KCNIP4: variants seen among roughly 807,000 people sequenced by gnomAD.
KCNIP4 encodes the protein Kv channel-interacting protein 4.
Under a neutral mutation model 34.0 loss-of-function variants are expected in KCNIP4, and 12 were observed. The ratio of observed to expected loss-of-function variants is 0.35; its 90% CI spans 0.23 to 0.57. KCNIP4 has a LOEUF of 0.57. Ranked by LOEUF, KCNIP4 falls within the 20% of genes least tolerant of loss-of-function variation. The probability of loss-of-function intolerance (pLI) is 0.83; values close to 1 mark genes in which losing one functional copy is unlikely to be tolerated. For missense variants in KCNIP4, 238 were observed against 311.7 expected (o/e 0.76, Z 1.78); for synonymous variants, 124 against 102.2 (o/e 1.21, Z -1.29).
At chr4:20,769,131 GA>G (rs1755659715) in intron 3 of KCNIP4, among the ~76,000 whole-genome samples, 1 of 148,436 alleles carries the variant, frequency 6.7e-6, no homozygotes, top group Non-Finnish European at 1.5e-5. Flanking sequence ...AGAAATAATT[GA>G]AAAGTTCTGC....
At chr4:21,452,220 C>T (rs1172350007) in intron 1 of KCNIP4, among the ~76,000 whole-genome samples, 1 of 151,966 alleles carries the variant, frequency 6.6e-6, no homozygotes, top group Non-Finnish European at 1.5e-5. Flanking sequence ...CTAATGATAC[C>T]ACTGCATTGT....
At chr4:21,907,305 CGTT>C (rs1728059259) in intron 1 of KCNIP4, among the ~76,000 whole-genome samples, 1 of 152,176 alleles carries the variant, frequency 6.6e-6, no homozygotes, top group Non-Finnish European at 1.5e-5. Flanking sequence ...GCCCCTCACA[CGTT>C]GTCTCTTTCA....
At chr4:21,034,978 C>T (rs377659893) in intron 1 of KCNIP4, among the ~76,000 whole-genome samples, 29 of 152,276 alleles carry the variant, frequency 1.9e-4, no homozygotes, top group African/African-American at 5.1e-4. Context: ...CAGATGCCTA[C>T]GTGACAGCAC....
chr4:21,245,509 T>C (rs1422594305), intron 1 of KCNIP4, among the ~76,000 whole-genome samples: 1 of 152,224 alleles, frequency 6.6e-6, no homozygotes, highest in Non-Finnish European at 1.5e-5. Context: ...GCTGTGACTG[T>C]CATATAATAG....
At position 21,291,867 on chromosome 4, in the gene KCNIP4, A is replaced by AAAAGAAAG. The variant is rs1211617062; in HGVS notation, c.62-409166_62-409159dup. Among the ~76,000 whole-genome samples the AAAAGAAAG allele has an allele frequency of 3.9e-3, 199 of 51,056 alleles. 2 individuals carry two copies. Among genetic ancestry groups the AAAAGAAAG allele is most frequent in the East Asian group, 0.018 (39 of 2,146 alleles). The allele number at this position is 51,056 out of a possible 152,430, so 33.5% of individuals were successfully genotyped here. ...AGACTCCGCCTCAAAAAAAAAAAAA[A>AAAAGAAAG]AAAGAAAGAAAGAAAGAAAGAAAGA... On this transcript the variant is annotated intron_variant, in intron 1 of 8. Transcript: ENST00000382152.
At chr4:21,467,176 T>G (rs2109793747) in intron 1 of KCNIP4, among the ~76,000 whole-genome samples, 2 of 151,998 alleles carry the variant, frequency 1.3e-5, no homozygotes, top group Non-Finnish European at 2.9e-5. Flanking sequence ...GTTTTGGAAT[T>G]AATTTTTACT....
At chr4:21,224,212 A>C (rs1758190000) in intron 1 of KCNIP4, among the ~76,000 whole-genome samples, 1 of 152,048 alleles carries the variant, frequency 6.6e-6, no homozygotes, top group Non-Finnish European at 1.5e-5. Flanking sequence ...AAACAATAGA[A>C]ATTTATTTCT....
chr4:21,059,360 C>A (rs973200519), intron 1 of KCNIP4, among the ~76,000 whole-genome samples: 2 of 152,156 alleles, frequency 1.3e-5, no homozygotes, highest in African/African-American at 4.8e-5. Context: ...TTAGCGCCAA[C>A]TATTCAAATT....
At chr4:21,457,341 G>T (rs997242657) in intron 1 of KCNIP4, among the ~76,000 whole-genome samples, 1 of 151,824 alleles carries the variant, frequency 6.6e-6, no homozygotes, top group Non-Finnish European at 1.5e-5. Flanking sequence ...TTCCTGCCAG[G>T]TTTAATGCCT....
intron 1 of KCNIP4, among the ~76,000 whole-genome samples, chr4:21,065,102 TTTTG>T (rs1744234107): frequency 6.6e-6 from 1 of 152,194 alleles, no homozygotes; most frequent in South Asian, 2.1e-4. Flanking sequence ...CAGCCCTATG[TTTTG>T]TTTCTCAAGC....
intron 1 of KCNIP4, among the ~76,000 whole-genome samples, chr4:21,195,888 A>G (rs1206396272): frequency 6.6e-6 from 1 of 152,184 alleles, no homozygotes; most frequent in Non-Finnish European, 1.5e-5. Flanking sequence ...GTAACCCAGC[A>G]ACACCCAGCT....
chr4:21,065,726 CTATATA>C (rs5856598), intron 1 of KCNIP4, among the ~76,000 whole-genome samples: 5,673 of 86,282 alleles, frequency 0.066, 160 homozygotes, highest in South Asian at 0.085. Flanking sequence ...TATCATTTGT[CTATATA>C]TATATATATA....
intron 1 of KCNIP4, among the ~76,000 whole-genome samples, chr4:21,491,047 A>AT (rs148975674): frequency 1.4e-3 from 207 of 151,994 alleles, no homozygotes; most frequent in Middle Eastern, 6.8e-3. Flanking sequence ...GGCTTATACT[A>AT]TTTTTTTTAA....
At position 21,051,224 on chromosome 4, in the gene KCNIP4, C is replaced by A. The variant is rs543749788; in HGVS notation, c.62-168515G>T. Among the ~76,000 whole-genome samples the A allele has an allele frequency of 2.0e-5, 3 of 152,290 alleles. No homozygotes were observed. The South Asian group carries it at 6.2e-4, about 32-fold the overall frequency. Reference sequence around the variant, plus strand: ...CTTTCACTTATTTTCACATCCATGTCCTCTTCTAAGACCTTTGCAAGTCAT... The same window carrying A: ...CTTTCACTTATTTTCACATCCATGTACTCTTCTAAGACCTTTGCAAGTCAT... On this transcript the variant is annotated intron_variant, in intron 1 of 8. Transcript: ENST00000382152.
At chr4:21,906,054 A>G (rs182108865) in intron 1 of KCNIP4, among the ~76,000 whole-genome samples, 134 of 152,288 alleles carry the variant, frequency 8.8e-4, no homozygotes, top group African/African-American at 3.2e-3. Context: ...TTATTGAAAC[A>G]CAGCTACATT....
At chr4:21,309,527 T>C (rs909587724) in intron 1 of KCNIP4, among the ~76,000 whole-genome samples, 1 of 152,172 alleles carries the variant, frequency 6.6e-6, no homozygotes, top group Non-Finnish European at 1.5e-5. Flanking sequence ...TTAAAATCTA[T>C]TAAAAACAAA....
intron 2 of KCNIP4, among the ~76,000 whole-genome samples, chr4:20,862,928 T>C (rs898645499): frequency 6.6e-6 from 1 of 151,988 alleles, no homozygotes; most frequent in African/African-American, 2.4e-5. Flanking sequence ...TAAGAACACA[T>C]GGATACATAG....
At chr4:21,697,698 C>T in intron 1 of KCNIP4, 1 of 1,239,896 alleles carries the variant, frequency 8.1e-7, no homozygotes, top group Non-Finnish European at 1.0e-6. Flanking sequence ...TCTTCTGTGG[C>T]AACAGACAGG....
intron 1 of KCNIP4, among the ~76,000 whole-genome samples, chr4:21,426,190 A>G (rs1030897940): frequency 1.3e-5 from 2 of 152,214 alleles, no homozygotes; most frequent in Admixed American, 1.3e-4. Flanking sequence ...GGCACAAAAG[A>G]CCACTTTATT....
Sources: gnomAD v4.1 joint callset for allele counts (sites outside exome capture counted in the v4.1 genomes callset) on GRCh38, gnomAD v4.1.1 for gene constraint, MANE v1.5 for transcripts, NCBI Gene and HGNC (gene_info 2026-07-23, HGNC 2026-07-21) for gene names.